Variants in MCC observed in about 807,000 individuals in gnomAD.
MCC encodes colorectal mutant cancer protein.
Under a neutral mutation model 116.2 loss-of-function variants are expected in MCC, and 90 were observed. The observed-to-expected ratio is 0.77, with a 90% CI of 0.65 to 0.92. The LOEUF is 0.92. MCC is among the 40% of genes least tolerant of loss of function. The pLI, the probability that MCC is intolerant of heterozygous loss-of-function variation, is 0.00. For synonymous variants in MCC, 578 were observed against 510.5 expected (o/e 1.13, Z -1.78); for missense variants, 1,516 against 1,312.2 (o/e 1.16, Z -2.40).
rs148121014 is a variant in MCC at position 113,208,696 on chromosome 5, A to C, written c.628-57274T>G. ...GTTTCTAGAAACTGAGGCAAAGAGG[A>C]GTCACAGAAAATTCAGCTAGCAAGA... On this transcript the variant is annotated intron_variant, in intron 3 of 18. Coordinates refer to ENST00000408903, the MANE Select transcript of MCC (RefSeq NM_001085377.2). 1.2e-4 allele frequency among the ~76,000 whole-genome samples: 19 copies of C among 152,350 alleles called. No individual in the cohort carries two copies. In the East Asian group the frequency reaches 3.1e-3, roughly 25 times the overall value.
intron 11 of MCC, among the ~76,000 whole-genome samples, chr5:113,080,681 A>T (rs1307737592): frequency 2.6e-5 from 4 of 152,258 alleles, no homozygotes; most frequent in African/African-American, 4.8e-5. Context: ...GAGGGATAGC[A>T]TTAGGAGATA....
intron 3 of MCC, among the ~76,000 whole-genome samples, chr5:113,305,384 C>CAGA (rs1766963588): frequency 6.6e-6 from 1 of 152,172 alleles, no homozygotes; most frequent in Non-Finnish European, 1.5e-5. Flanking sequence ...ATGTGACAAC[C>CAGA]AGACACTCTT....
chr5:113,407,285 TA>T, intron 1 of MCC, among the ~76,000 whole-genome samples: 1 of 152,176 alleles, frequency 6.6e-6, no homozygotes, highest in East Asian at 1.9e-4. Context: ...CAGGAAATGT[TA>T]AAAAATGAAA....
At chr5:113,330,873 A>T (rs543404120) in intron 3 of MCC, among the ~76,000 whole-genome samples, 21 of 152,336 alleles carry the variant, frequency 1.4e-4, no homozygotes, top group African/African-American at 4.8e-4. Flanking sequence ...AATACTGTCA[A>T]TTATTAGGAG....
At chr5:113,445,785 T>C (rs1771196024) in intron 1 of MCC, among the ~76,000 whole-genome samples, 1 of 152,158 alleles carries the variant, frequency 6.6e-6, no homozygotes. Flanking sequence ...ATACCCCACA[T>C]AGCCAAAGCA....
intron 3 of MCC, among the ~76,000 whole-genome samples, chr5:113,197,528 A>C (rs1029215230): frequency 1.3e-5 from 2 of 152,176 alleles, no homozygotes; most frequent in African/African-American, 4.8e-5. Context: ...TGAAATCATA[A>C]AGTAAAATAA....
At chr5:113,374,480 C>T (rs1018147425) in intron 2 of MCC, among the ~76,000 whole-genome samples, 1 of 152,068 alleles carries the variant, frequency 6.6e-6, no homozygotes, top group African/African-American at 2.4e-5. Flanking sequence ...CAGTCTCTTC[C>T]ACCAGAGTAT....
chr5:113,197,053 G>C (rs6872427), intron 3 of MCC, among the ~76,000 whole-genome samples: 9,613 of 152,222 alleles, frequency 0.063, 427 homozygotes, highest in African/African-American at 0.11. Context: ...ATGGAAATCT[G>C]AGCAAGAAAC....
chr5:113,353,050 T>C (rs1423204482), intron 2 of MCC, among the ~76,000 whole-genome samples: 1 of 152,190 alleles, frequency 6.6e-6, no homozygotes, highest in African/African-American at 2.4e-5. Context: ...CTCCTTGACA[T>C]GGACACCACT....
At chr5:113,079,395 T>G (rs1274181801) in intron 11 of MCC, among the ~76,000 whole-genome samples, 1 of 152,204 alleles carries the variant, frequency 6.6e-6, no homozygotes, top group African/African-American at 2.4e-5. Flanking sequence ...TCATGCTACC[T>G]GACTTCAAAC....
At chr5:113,319,896 G>A (rs1260019455) in intron 3 of MCC, among the ~76,000 whole-genome samples, 1 of 152,038 alleles carries the variant, frequency 6.6e-6, no homozygotes, top group Admixed American at 6.6e-5. Flanking sequence ...CCTACTCCTG[G>A]GCAAACCCCA....
chr5:113,287,815 C>T (rs923638106), intron 3 of MCC, among the ~76,000 whole-genome samples: 1 of 152,220 alleles, frequency 6.6e-6, no homozygotes, highest in Non-Finnish European at 1.5e-5. Flanking sequence ...CCCACTCACA[C>T]TCAGGGTTCT....
intron 3 of MCC, among the ~76,000 whole-genome samples, chr5:113,270,667 T>C (rs576597559): frequency 1.4e-5 from 2 of 147,018 alleles, no homozygotes; most frequent in Admixed American, 6.9e-5. Flanking sequence ...TTTTTTAGCA[T>C]ACTAGATGAA....
chr5:113,380,396 T>G (rs1474199208), intron 2 of MCC, among the ~76,000 whole-genome samples: 1 of 152,234 alleles, frequency 6.6e-6, no homozygotes, highest in Non-Finnish European at 1.5e-5. Flanking sequence ...GTCACTTAAT[T>G]TGTCATGTGC....
chr5:113,135,845 A>C (rs1164896770), intron 5 of MCC, among the ~76,000 whole-genome samples: 1 of 152,094 alleles, frequency 6.6e-6, no homozygotes, highest in Non-Finnish European at 1.5e-5. Context: ...GGAGTTCGAG[A>C]ACATCCTGGC....
intron 6 of MCC, 104 bp downstream of exon 6, chr5:113,122,580 C>T: frequency 1.5e-6 from 2 of 1,363,926 alleles, no homozygotes; most frequent in East Asian, 4.9e-5. Context: ...TCAGCAAACC[C>T]CTTGAAAAAT....
At chr5:113,141,465 G>A (rs1257901928) in intron 5 of MCC, among the ~76,000 whole-genome samples, 3 of 152,058 alleles carry the variant, frequency 2.0e-5, no homozygotes, top group African/African-American at 7.2e-5. Flanking sequence ...ACGTTCTATT[G>A]GTTTCTGTCT....
intron 1 of MCC, among the ~76,000 whole-genome samples, chr5:113,483,372 T>C (rs778395261): frequency 1.7e-4 from 26 of 152,328 alleles, no homozygotes; most frequent in Non-Finnish European, 7.4e-5. Flanking sequence ...ATTGCCATCT[T>C]AACAAAAAGT....
At chr5:113,142,852 GGATGCTCGTCTCTAA>G (rs67213776) in intron 5 of MCC, among the ~76,000 whole-genome samples, 69,041 of 152,012 alleles carry the variant, frequency 0.45, 19,080 homozygotes, top group East Asian at 0.66. Flanking sequence ...GCAGCAGCAG[GGATGCTCGTCTCTAA>G]GATGGAAGGG....
Sources: allele counts gnomAD v4.1 joint callset (sites outside exome capture counted in the v4.1 genomes callset), GRCh38; gene constraint gnomAD v4.1.1; transcripts MANE v1.5; gene names NCBI Gene and HGNC (gene_info 2026-07-23, HGNC 2026-07-21).